The following TCF4 variants were observed in gnomAD, a reference collection of about 807,000 sequenced individuals.
The protein encoded by TCF4 is transcription factor 4.
Under a neutral mutation model 82.1 loss-of-function variants are expected in TCF4, and 3 were observed. That is an observed-to-expected ratio of 0.04 (90% CI 0.02 to 0.09). TCF4 has a LOEUF of 0.09. TCF4 is among the 10% of genes least tolerant of loss of function. The pLI is 1.00. For synonymous variants in TCF4, 276 were observed against 309.6 expected (o/e 0.89, Z 1.14); for missense variants, 518 against 852.7 (o/e 0.61, Z 4.89).
At chr18:55,382,006 G>C (rs2091992773) in intron 6 of TCF4, among the ~76,000 whole-genome samples, 1 of 151,880 alleles carries the variant, frequency 6.6e-6, no homozygotes, top group Non-Finnish European at 1.5e-5. Context: ...TTAGAAAATG[G>C]CAAAGTCCCT....
intron 8 of TCF4, among the ~76,000 whole-genome samples, chr18:55,305,891 A>G (rs2070145716): frequency 6.6e-6 from 1 of 152,214 alleles, no homozygotes; most frequent in South Asian, 2.1e-4. Flanking sequence ...TAAATGAAGT[A>G]GTGTGTCACT....
chr18:55,416,451 A>C (rs2094528247), intron 5 of TCF4, among the ~76,000 whole-genome samples: 1 of 152,186 alleles, frequency 6.6e-6, no homozygotes. Flanking sequence ...CTAAATGATC[A>C]TTTCACTTGA....
intron 15 of TCF4, among the ~76,000 whole-genome samples, chr18:55,246,632 T>C (rs2053292433): frequency 6.6e-6 from 1 of 152,178 alleles, no homozygotes; most frequent in Non-Finnish European, 1.5e-5. Flanking sequence ...AAATATCAAA[T>C]GGTAAGCTCA....
intron 3 of TCF4, among the ~76,000 whole-genome samples, chr18:55,469,385 A>T (rs986301065): frequency 1.3e-5 from 2 of 151,412 alleles, no homozygotes; most frequent in Non-Finnish European, 2.9e-5. Context: ...AACTGCTTGA[A>T]CCCAGGAGGT....
At chr18:55,282,004 T>C (rs1163306860) in intron 8 of TCF4, among the ~76,000 whole-genome samples, 1 of 152,030 alleles carries the variant, frequency 6.6e-6, no homozygotes, top group Non-Finnish European at 1.5e-5. Context: ...TCTTTGTTAA[T>C]AGGCAACGGA....
rs71169310 is a variant in TCF4 at position 55,633,894 on chromosome 18, A to AAAC, written c.195+1806_195+1808dup. On this transcript the variant is annotated intron_variant, in intron 1 of 20. Coordinates refer to the TCF4 transcript ENST00000398339. The surrounding 1 kb of genome is among the most constrained non-coding windows in gnomAD (Gnocchi z 4.0). ...ACCAAACCAAAACAAAAAAGGCACA[A>AAAC]AACAACAACAACAACAACAACAACA... Among the ~76,000 whole-genome samples the AAAC allele has an allele frequency of 0.013, 1,910 of 150,670 alleles. 15 individuals carry two copies. The highest frequency in any genetic ancestry group is 0.02 in the South Asian group (93 of 4,742).
chr18:55,510,634 G>C, intron 3 of TCF4: 2 of 1,513,520 alleles, frequency 1.3e-6, no homozygotes, highest in Non-Finnish European at 1.8e-6. Context: ...AATATATCTG[G>C]TGATTAAAAT....
At chr18:55,273,810 G>T (rs1475829089) in intron 10 of TCF4, among the ~76,000 whole-genome samples, 1 of 152,024 alleles carries the variant, frequency 6.6e-6, no homozygotes, top group Non-Finnish European at 1.5e-5. Flanking sequence ...TATTGTTTTG[G>T]TTCTGTAAAA....
rs551116510 is a variant in TCF4 at position 55,513,248 on chromosome 18, C to T, written c.146-49111G>A. 1.4e-4 allele frequency among the ~76,000 whole-genome samples: 22 copies of T among 152,228 alleles called. 1 individual carries two copies. The South Asian group carries it at 2.7e-3, about 19-fold the overall frequency. The stretch of plus-strand genomic sequence containing the variant: ...CTGGACAGTGATTTCTGCATAATTC[C>T]CATGGGTTCTTTATTCTCACTGGAC... On this transcript the variant is annotated intron_variant, in intron 3 of 19. Coordinates refer to ENST00000354452, the MANE Select transcript of TCF4 (RefSeq NM_001083962.2).
chr18:55,422,100 CA>C (rs11412305), intron 5 of TCF4: 25,126 of 439,198 alleles, frequency 0.057, 299 homozygotes, highest in African/African-American at 0.19. Context: ...AGAAAAAGCA[CA>C]AAAAAAAAAA....
At chr18:55,480,201 C>T (rs2145509968) in intron 3 of TCF4, among the ~76,000 whole-genome samples, 1 of 149,642 alleles carries the variant, frequency 6.7e-6, no homozygotes, top group Middle Eastern at 3.5e-3. Context: ...ACCGTATTTA[C>T]CCTCCAGTAC....
At chr18:55,354,022 G>C (rs1050260150) in intron 6 of TCF4, among the ~76,000 whole-genome samples, 1 of 152,148 alleles carries the variant, frequency 6.6e-6, no homozygotes, top group Non-Finnish European at 1.5e-5. Context: ...AATCTGCCAG[G>C]AAACACTGGA....
At chr18:55,246,453 T>C (rs944609470) in intron 15 of TCF4, among the ~76,000 whole-genome samples, 1 of 152,154 alleles carries the variant, frequency 6.6e-6, no homozygotes, top group Non-Finnish European at 1.5e-5. Flanking sequence ...GAGTAAAATA[T>C]GTATTCATGT....
intron 6 of TCF4, among the ~76,000 whole-genome samples, chr18:55,382,632 C>T (rs761677214): frequency 2.0e-5 from 3 of 152,134 alleles, no homozygotes; most frequent in Admixed American, 1.3e-4. Context: ...AATCCTCTCA[C>T]TATCCTGATC....
chr18:55,577,812 T>C (rs1359835565), intron 3 of TCF4, among the ~76,000 whole-genome samples: 1 of 152,126 alleles, frequency 6.6e-6, no homozygotes, highest in African/African-American at 2.4e-5. Flanking sequence ...CACCACCTTC[T>C]CTGTTTTTAT....
At chr18:55,384,538 C>T (rs1333589697) in intron 6 of TCF4, among the ~76,000 whole-genome samples, 1 of 152,124 alleles carries the variant, frequency 6.6e-6, no homozygotes, top group Non-Finnish European at 1.5e-5. Flanking sequence ...ATCCCTGCAG[C>T]AAAATCACCC....
At chr18:55,355,460 A>G (rs190580949) in intron 6 of TCF4, among the ~76,000 whole-genome samples, 91 of 152,300 alleles carry the variant, frequency 6.0e-4, no homozygotes, top group African/African-American at 2.1e-3. Context: ...CAGAAGGGCC[A>G]TTGCTGACTT....
intron 8 of TCF4, among the ~76,000 whole-genome samples, chr18:55,325,692 GTTGTTGTTGTT>G (rs902860477): frequency 6.6e-6 from 1 of 152,090 alleles, no homozygotes; most frequent in South Asian, 2.1e-4. Flanking sequence ...GTTGTTTTTT[GTTGTTGTTGTT>G]TTGTTGTTGT....
rs1369151110 is a variant in TCF4, at chr18:55,335,835, T to C, written c.549+14524A>G. Among the ~76,000 whole-genome samples, 6 of 152,268 alleles carry C rather than the reference T, an allele frequency of 3.9e-5. No homozygotes were observed. In the East Asian group the frequency reaches 1.2e-3, roughly 29 times the overall value. On this transcript the variant is annotated intron_variant, in intron 8 of 19. Transcript: ENST00000354452. ...AAAAAAGGCTTGGAGCAGAACTACA[T>C]ACATATTTTTTGTTGTGTACTATAA...
Sources: gnomAD v4.1 joint callset for allele counts (sites outside exome capture counted in the v4.1 genomes callset) on GRCh38, gnomAD v4.1.1 for gene constraint, Gnocchi (gnomAD v3.1) non-coding constraint, MANE v1.5 for transcripts, NCBI Gene and HGNC (gene_info 2026-07-23, HGNC 2026-07-21) for gene names.